Variants in LIPA observed in about 807,000 individuals in gnomAD.
The protein encoded by LIPA is lysosomal acid lipase/cholesteryl ester hydrolase.
In LIPA, 26 loss-of-function variants were observed where a neutral mutation model predicts 40.6. The observed-to-expected ratio is 0.64, with a 90% CI of 0.47 to 0.89. LIPA has a LOEUF of 0.89. Ranked by LOEUF, LIPA falls within the 40% of genes least tolerant of loss-of-function variation. The probability of loss-of-function intolerance (pLI) is 0.00; values close to 1 mark genes in which losing one functional copy is unlikely to be tolerated. For synonymous variants in LIPA, 188 were observed against 168.4 expected, an observed-to-expected ratio of 1.12 and a Z score of -0.90; for missense variants, 455 against 479.6, an observed-to-expected ratio of 0.95 and a Z score of 0.48.
At chr10:89,311,068 A>G (rs1197950298) in intron 1 of LIPA, among the ~76,000 whole-genome samples, 1 of 152,252 alleles carries the variant, frequency 6.6e-6, no homozygotes, top group Non-Finnish European at 1.5e-5. Context: ...TTACCTTTCC[A>G]GAATCCTGGA....
intron 1 of LIPA, among the ~76,000 whole-genome samples, chr10:89,323,422 T>C (rs1374955368): frequency 6.6e-6 from 1 of 151,378 alleles, no homozygotes; most frequent in East Asian, 1.9e-4. Context: ...TTCAACAGAG[T>C]ACTGCTAGCA....
intron 4 of LIPA, 32 bp downstream of exon 4, chr10:89,228,168 A>C: frequency 6.3e-7 from 1 of 1,577,512 alleles, no homozygotes; most frequent in East Asian, 2.2e-5. Flanking sequence ...TACTAAGGAA[A>C]TACATCCATG....
intron 1 of LIPA, among the ~76,000 whole-genome samples, chr10:89,267,924 G>T (rs577683245): frequency 3.9e-5 from 6 of 152,256 alleles, no homozygotes; most frequent in African/African-American, 1.4e-4. Flanking sequence ...GAGAATAATG[G>T]AAAGTGGAAC....
chr10:89,290,570 G>C (rs1843368288), intron 1 of LIPA, among the ~76,000 whole-genome samples: 1 of 152,198 alleles, frequency 6.6e-6, no homozygotes, highest in African/African-American at 2.4e-5. Context: ...CAGATGGCCT[G>C]AAGTAACTGA....
chr10:89,327,107 T>A (rs1481146282), intron 1 of LIPA, among the ~76,000 whole-genome samples: 1 of 152,208 alleles, frequency 6.6e-6, no homozygotes, highest in African/African-American at 2.4e-5. Flanking sequence ...TAGAAAGGAA[T>A]GTTTGGAGAC....
chr10:89,398,047 C>G (rs955927348), intron 2 of LIPA, among the ~76,000 whole-genome samples: 1 of 152,196 alleles, frequency 6.6e-6, no homozygotes, highest in Non-Finnish European at 1.5e-5. Flanking sequence ...AACTGAAATT[C>G]TGTACTCATT....
rs34479360 is a variant in LIPA at position 89,373,334 on chromosome 10, C to CAAAAAAAAAAAAAAAA, written c.61+39441_61+39456dup. Among the ~76,000 whole-genome samples, 112 of 63,134 alleles carry CAAAAAAAAAAAAAAAA rather than the reference C, an allele frequency of 1.8e-3. 2 individuals carry two copies. Among genetic ancestry groups the CAAAAAAAAAAAAAAAA allele is most frequent in the African/African-American group, 6.4e-3 (104 of 16,342 alleles). The allele number at this position is 63,134 out of a possible 152,430, so 41.4% of individuals were successfully genotyped here. A position where few individuals can be genotyped will look rare whatever the true frequency, so the allele number is the denominator to read the frequency against. ...TGGGCGACAGAGCGAGACTCCCTCT[C>CAAAAAAAAAAAAAAAA]AAAAAAAAAAAAAAAAAAAAAAAAC... On this transcript the variant is annotated intron_variant, in intron 2 of 8. Coordinates refer to the LIPA transcript ENST00000371837.
At chr10:89,258,100 A>AGAATACTGAATAAGAATAAGAATACT (rs1843189892) in intron 1 of LIPA, among the ~76,000 whole-genome samples, 1 of 152,222 alleles carries the variant, frequency 6.6e-6, no homozygotes, top group Non-Finnish European at 1.5e-5. Context: ...TTTAAAAATA[A>AGAATACTGAATAAGAATAAGAATACT]GAATACTGAA....
chr10:89,374,801 A>G (rs1844111013), intron 2 of LIPA, among the ~76,000 whole-genome samples: 1 of 152,174 alleles, frequency 6.6e-6, no homozygotes, highest in African/African-American at 2.4e-5. Flanking sequence ...TTCTCCCCCT[A>G]CACAGGTCCA....
chr10:89,339,076 G>C, intron 1 of LIPA: 1 of 1,614,088 alleles, frequency 6.2e-7, no homozygotes. Flanking sequence ...ACTTGACTGT[G>C]AGGAAGGGTG....
chr10:89,224,293 T>C (rs1842739007), intron 6 of LIPA, among the ~76,000 whole-genome samples: 1 of 152,212 alleles, frequency 6.6e-6, no homozygotes, highest in Non-Finnish European at 1.5e-5. Context: ...TTTTATTTTG[T>C]TTTTTAAAAT....
intron 1 of LIPA, among the ~76,000 whole-genome samples, chr10:89,324,796 G>C (rs181150358): frequency 6.6e-6 from 1 of 152,108 alleles, no homozygotes; most frequent in South Asian, 2.1e-4. Context: ...TCTGTCCTTT[G>C]TGATATTTTG....
intron 1 of LIPA, among the ~76,000 whole-genome samples, chr10:89,250,199 A>G (rs1843099538): frequency 6.7e-6 from 1 of 148,794 alleles, no homozygotes; most frequent in African/African-American, 2.5e-5. Flanking sequence ...TCCTGGGTTC[A>G]GGCCATTCTC....
intron 2 of LIPA, chr10:89,403,944 TGTTA>T (rs1012402135): frequency 1.5e-5 from 6 of 388,404 alleles, no homozygotes; most frequent in South Asian, 8.2e-5. Flanking sequence ...AGAGAAAAAA[TGTTA>T]GTTAACTTTG....
At chr10:89,311,962 CTAGTTTTCTCTCCTCTCTCT>C (rs1843519000) in intron 1 of LIPA, among the ~76,000 whole-genome samples, 3 of 152,164 alleles carry the variant, frequency 2.0e-5, no homozygotes, top group African/African-American at 7.2e-5. Context: ...ACCCAGAATG[CTAGTTTTCTCTCCTCTCTCT>C]CTGTCTGTCC....
chr10:89,225,306 GCGACGCCC>G, intron 5 of LIPA, 78 bp from the exon 6 acceptor site: 1 of 1,570,516 alleles, frequency 6.4e-7, no homozygotes. Flanking sequence ...GCCGTCACTC[GCGACGCCC>G]TCTCGCGGAG....
At chr10:89,250,390 A>T (rs1394596107) in intron 1 of LIPA, among the ~76,000 whole-genome samples, 1 of 152,114 alleles carries the variant, frequency 6.6e-6, no homozygotes, top group Non-Finnish European at 1.5e-5. Flanking sequence ...GGCGTGAGCC[A>T]CCGCGCCCGA....
At chr10:89,361,875 CTTTTTTTTTTTTTTTTTTTTTTTT>C (rs59818683) in intron 2 of LIPA, among the ~76,000 whole-genome samples, 6 of 40,410 alleles carry the variant, frequency 1.5e-4, no homozygotes, top group Non-Finnish European at 2.4e-4. Flanking sequence ...CTCCACCTGC[CTTTTTTTTTTTTTTTTTTTTTTTT>C]TTTTTTTTTT....
At chr10:89,355,504 G>T (rs1344466029) in intron 2 of LIPA, among the ~76,000 whole-genome samples, 1 of 152,208 alleles carries the variant, frequency 6.6e-6, no homozygotes, top group Non-Finnish European at 1.5e-5. Context: ...TTCTTCAGTT[G>T]AAATTATAAA....
Sources: gnomAD v4.1 joint callset for allele counts (sites outside exome capture counted in the v4.1 genomes callset) on GRCh38, gnomAD v4.1.1 for gene constraint, MANE v1.5 for transcripts, NCBI Gene and HGNC (gene_info 2026-07-23, HGNC 2026-07-21) for gene names.